Variants in LMO1 observed in about 807,000 individuals in gnomAD.
The protein encoded by LMO1 is LIM domain only 1.
A neutral mutation model predicts 18.0 loss-of-function variants in LMO1; 10 were observed. That is an observed-to-expected ratio of 0.55 (90% CI 0.34 to 0.94). LMO1 has a LOEUF of 0.94. Ranked by LOEUF, LMO1 falls within the 40% of genes least tolerant of loss-of-function variation. The probability of loss-of-function intolerance (pLI) is 0.02; values close to 1 mark genes in which losing one functional copy is unlikely to be tolerated. For synonymous variants in LMO1, 77 were observed against 77.9 expected, an observed-to-expected ratio of 0.99 and a Z score of 0.06; for missense variants, 183 against 205.7, an observed-to-expected ratio of 0.89 and a Z score of 0.68.
intron 1 of LMO1, among the ~76,000 whole-genome samples, chr11:8,251,872 A>AGT (rs569548190): frequency 0.39 from 11,371 of 29,504 alleles, 627 homozygotes; most frequent in South Asian, 0.54. Context: ...AATGTGTGTG[A>AGT]GTGTGTGTGT....
intron 1 of LMO1, among the ~76,000 whole-genome samples, chr11:8,262,345 A>G (rs1463997837): frequency 6.6e-6 from 1 of 152,194 alleles, no homozygotes; most frequent in East Asian, 1.9e-4. Context: ...GGCCTCACCT[A>G]CAGGGCAGGA....
At chr11:8,266,516 A>C (rs1271706131), upstream of LMO1, among the ~76,000 whole-genome samples, 1 of 152,180 alleles carries the variant, frequency 6.6e-6, no homozygotes, top group Non-Finnish European at 1.5e-5. Context: ...TCACTTCGAC[A>C]AGCCAAGAGT....
At chr11:8,245,961 G>A (rs934784576) in intron 1 of LMO1, among the ~76,000 whole-genome samples, 1 of 151,912 alleles carries the variant, frequency 6.6e-6, no homozygotes, top group Non-Finnish European at 1.5e-5. Context: ...TGGGAGCAAG[G>A]GAGATGGGGG....
At chr11:8,268,493 G>T (rs932539224), upstream of LMO1, 1 of 1,369,484 alleles carries the variant, frequency 7.3e-7, no homozygotes, top group African/African-American at 1.5e-5. Flanking sequence ...ATACGGAGGG[G>T]CGCGTGGCTC....
At chr11:8,259,069 T>C in intron 1 of LMO1, among the ~76,000 whole-genome samples, 1 of 152,222 alleles carries the variant, frequency 6.6e-6, no homozygotes, top group Non-Finnish European at 1.5e-5. Context: ...CTGGCTTGCT[T>C]AGCCAATAGC....
At chr11:8,258,506 T>G (rs1847134939) in intron 1 of LMO1, among the ~76,000 whole-genome samples, 1 of 152,232 alleles carries the variant, frequency 6.6e-6, no homozygotes, top group Admixed American at 6.5e-5. Context: ...GTGTTTCCTT[T>G]GCCCATGACC....
intron 1 of LMO1, among the ~76,000 whole-genome samples, chr11:8,253,353 C>A (rs1248075822): frequency 2.0e-5 from 3 of 152,202 alleles, no homozygotes; most frequent in Non-Finnish European, 2.9e-5. Flanking sequence ...TGGCACCAGT[C>A]ATCTACAAGA....
At chr11:8,235,595 A>G (rs538804606) in intron 1 of LMO1, among the ~76,000 whole-genome samples, 3 of 152,194 alleles carry the variant, frequency 2.0e-5, no homozygotes, top group Non-Finnish European at 4.4e-5. Flanking sequence ...CATCGCATTC[A>G]GTTGTCAAGT....
intron 1 of LMO1, among the ~76,000 whole-genome samples, chr11:8,234,127 T>A (rs532813852): frequency 6.6e-6 from 1 of 152,060 alleles, no homozygotes; most frequent in East Asian, 1.9e-4. Context: ...GGGAACAACA[T>A]TGGAGGGGAA....
At chr11:8,235,004 C>T (rs974026804) in intron 1 of LMO1, among the ~76,000 whole-genome samples, 9 of 152,296 alleles carry the variant, frequency 5.9e-5, no homozygotes, top group Admixed American at 5.2e-4. Context: ...TTCTGACTGG[C>T]ATGTGTGTAC....
chr11:8,244,057 T>A (rs12278467), intron 1 of LMO1, among the ~76,000 whole-genome samples: 2 of 152,062 alleles, frequency 1.3e-5, no homozygotes, highest in African/African-American at 4.8e-5. Context: ...TCCTGACACA[T>A]AAACATGAAT....
chr11:8,227,129 G>C (rs1952561679), intron 2 of LMO1, 29 bp from the exon 3 acceptor site: 1 of 1,595,442 alleles, frequency 6.3e-7, no homozygotes, highest in African/African-American at 1.3e-5. Flanking sequence ...AGAGGACTCA[G>C]CAGCATTCTG....
At chr11:8,236,833 C>T (rs1298260823) in intron 1 of LMO1, among the ~76,000 whole-genome samples, 2 of 152,152 alleles carry the variant, frequency 1.3e-5, no homozygotes, top group East Asian at 1.9e-4. Flanking sequence ...AAATACATAC[C>T]CATGCATCTA....
intron 1 of LMO1, among the ~76,000 whole-genome samples, chr11:8,250,559 C>T (rs1304267342): frequency 6.6e-6 from 1 of 152,232 alleles, no homozygotes; most frequent in Non-Finnish European, 1.5e-5. Flanking sequence ...GAACCAGGTG[C>T]CTGAGGGAGC....
chr11:8,260,189 C>T (rs991294498), intron 1 of LMO1, among the ~76,000 whole-genome samples: 10 of 152,206 alleles, frequency 6.6e-5, no homozygotes, highest in Admixed American at 2.0e-4. Context: ...GGCCTCTTCT[C>T]GAACAGCCCA....
Position 8,227,186 on chromosome 11 carries a change from CT to C in LMO1, c.240-87del, listed in dbSNP as rs530710008. The C allele has an allele frequency of 2.6e-4, 395 of 1,535,548 alleles. No homozygotes were observed. In the African/African-American group the frequency reaches 4.8e-3, roughly 19 times the overall value. On this transcript the variant is annotated intron_variant, in intron 2 of 3. Transcript: ENST00000335790. ...AAAGGAGTTGCCTCCATCCAGGGTC[CT>C]TCCCATACTCCAACTTGTGGGCTCA... is the stretch of plus-strand genomic sequence containing the variant.
intron 1 of LMO1, among the ~76,000 whole-genome samples, chr11:8,257,858 C>G (rs1565188136): frequency 6.6e-6 from 1 of 152,258 alleles, no homozygotes. Flanking sequence ...AAACAAAGCA[C>G]TGGACTGGAC....
At chr11:8,225,873 T>C (rs1183710743) in intron 3 of LMO1, among the ~76,000 whole-genome samples, 1 of 152,204 alleles carries the variant, frequency 6.6e-6, no homozygotes, top group Non-Finnish European at 1.5e-5. Context: ...CTTGTATGCG[T>C]TCCTACCTGA....
At chr11:8,239,907 T>C (rs1846755799) in intron 1 of LMO1, among the ~76,000 whole-genome samples, 2 of 152,336 alleles carry the variant, frequency 1.3e-5, no homozygotes, top group South Asian at 2.1e-4. Flanking sequence ...TACCCCTTAC[T>C]GAGTGCCTGC....
Sources: allele counts gnomAD v4.1 joint callset (sites outside exome capture counted in the v4.1 genomes callset), GRCh38; gene constraint gnomAD v4.1.1; transcripts MANE v1.5; gene names NCBI Gene and HGNC (gene_info 2026-07-23, HGNC 2026-07-21).